PCDHGB3: variants seen among roughly 807,000 people sequenced by gnomAD.
PCDHGB3 encodes the protein protocadherin gamma-B3.
PCDHGB3 carries 40 observed loss-of-function variants against 59.2 expected under a neutral mutation model. The observed-to-expected ratio is 0.68, with a 90% CI of 0.52 to 0.88. The LOEUF is 0.88. PCDHGB3 is among the 40% of genes least tolerant of loss of function. The probability of loss-of-function intolerance (pLI) is 0.00; values close to 1 mark genes in which losing one functional copy is unlikely to be tolerated. For missense variants in PCDHGB3, 1,309 were observed against 1,187.9 expected, an observed-to-expected ratio of 1.10 and a Z score of -1.50; for synonymous variants, 581 against 503.6, an observed-to-expected ratio of 1.15 and a Z score of -2.06.
intron 1 of PCDHGB3, among the ~76,000 whole-genome samples, chr5:141,373,236 T>A (rs1331345461): frequency 2.6e-5 from 4 of 152,248 alleles, no homozygotes; most frequent in African/African-American, 9.6e-5. Context: ...ATAATATTTT[T>A]ACTTCCCTTT....
rs537755017 is a variant in PCDHGB3 at position 141,491,797 on chromosome 5, G to A, written c.2416-3010G>A. 16 of 1,506,818 alleles carry A rather than the reference G, an allele frequency of 1.1e-5. No individual in the cohort carries two copies. In the Admixed American group the frequency reaches 2.2e-4, roughly 20 times the overall value. The allele number at this position is 1,506,818 out of a possible 1,614,324, so 93.3% of individuals were successfully genotyped here. A position where few individuals can be genotyped will look rare whatever the true frequency, so the allele number is the denominator to read the frequency against. ...ATTGAACTTGCATCCACTCCTCTCC[G>A]GCCGGCTTGGTCGCTGGCTGCGCTC... On this transcript the variant is annotated intron_variant, in intron 1 of 3. Transcript: ENST00000576222. The surrounding 1 kb of genome is among the most constrained non-coding windows in gnomAD (Gnocchi z 6.9).
chr5:141,401,623 T>A (rs1418194568), intron 1 of PCDHGB3, among the ~76,000 whole-genome samples: 1 of 152,230 alleles, frequency 6.6e-6, no homozygotes, highest in African/African-American at 2.4e-5. Flanking sequence ...GGATTTGTCT[T>A]ATCGTTTGGA....
In PCDHGB3 at chr5:141,413,117, C is replaced by G. The variant is rs902301902; in HGVS notation, c.2415+40308C>G. 1.9e-5 allele frequency: 29 copies of G among 1,509,004 alleles called. No homozygotes were observed. In the African/African-American group the frequency reaches 4.1e-4, roughly 21 times the overall value. The allele number at this position is 1,509,004 out of a possible 1,614,324, so 93.5% of individuals were successfully genotyped here. ...TGAAGCCACAGAAAGACAAAGGAAC[C>G]GGTTGAAACACACAACGTGTCCAGT... On this transcript the variant is annotated intron_variant, in intron 1 of 3. Transcript: ENST00000576222.
At chr5:141,383,933 C>T (rs963043498) in intron 1 of PCDHGB3, 3 of 1,613,844 alleles carry the variant, frequency 1.9e-6, no homozygotes, top group East Asian at 2.2e-5. Context: ...GATAATGCTC[C>T]AGAAGTGACT....
Position 141,490,413 on chromosome 5 carries a change from G to A in PCDHGB3, c.2416-4394G>A, listed in dbSNP as rs2233606. On this transcript the variant is annotated intron_variant, in intron 1 of 3. Transcript: ENST00000576222. The surrounding 1 kb of genome is among the most constrained non-coding windows in gnomAD (Gnocchi z 5.4). ...GTGAAGTGAGCCTTGATATCTCTCC[G>A]GACCTGCCATTTCAGATTAAGCCTT... 2.3e-3 allele frequency: 3,787 copies of A among 1,614,128 alleles called. 38 individuals are homozygous for A. In the African/African-American group the frequency reaches 0.027, roughly 12 times the overall value.
chr5:141,430,309 A>G (rs984998714), intron 1 of PCDHGB3, among the ~76,000 whole-genome samples: 2 of 152,116 alleles, frequency 1.3e-5, no homozygotes, highest in Non-Finnish European at 2.9e-5. Context: ...CACTAACATT[A>G]TAAGATTAAA....
rs1407016089 is a variant in PCDHGB3 at position 141,489,914 on chromosome 5, C to T, written c.2416-4893C>T. On this transcript the variant is annotated intron_variant, in intron 1 of 3. Coordinates refer to ENST00000576222, the MANE Select transcript of PCDHGB3 (RefSeq NM_018924.5). The surrounding 1 kb of genome is among the most constrained non-coding windows in gnomAD (Gnocchi z 4.5). Reference sequence around the variant, plus strand: ...GGGGGGACCCCAGCCCGCTCAGGGACCACCCTTATCTCTGTCATCGTGCTG... The same window carrying T: ...GGGGGGACCCCAGCCCGCTCAGGGATCACCCTTATCTCTGTCATCGTGCTG... 3 of 1,614,094 alleles carry T rather than the reference C, an allele frequency of 1.9e-6. No individual in the cohort carries two copies. Among genetic ancestry groups the T allele is most frequent in the African/African-American group, 2.7e-5 (2 of 74,936 alleles).
chr5:141,404,641 G>C, intron 1 of PCDHGB3: 2 of 1,614,178 alleles, frequency 1.2e-6, no homozygotes, highest in Non-Finnish European at 1.7e-6. Context: ...CAGAAATCCT[G>C]TACCCTGCCC....
chr5:141,394,312 C>G (rs903124736), intron 1 of PCDHGB3: 3 of 1,613,908 alleles, frequency 1.9e-6, no homozygotes, highest in African/African-American at 1.3e-5. Context: ...CAGGGGGCGC[C>G]CCTGTCCTCG....
At chr5:141,460,459 T>A (rs2098989808) in intron 1 of PCDHGB3, among the ~76,000 whole-genome samples, 1 of 152,176 alleles carries the variant, frequency 6.6e-6, no homozygotes, top group South Asian at 2.1e-4. Flanking sequence ...ATTCATATTT[T>A]TTTCCAAAGG....
At chr5:141,415,282 G>A in intron 1 of PCDHGB3, 1 of 1,614,224 alleles carries the variant, frequency 6.2e-7, no homozygotes, top group Non-Finnish European at 8.5e-7. Flanking sequence ...AGCGGTGGCC[G>A]CGGTCTCCTG....
chr5:141,420,277 A>C, intron 1 of PCDHGB3: 1 of 1,518,166 alleles, frequency 6.6e-7, no homozygotes, highest in Non-Finnish European at 8.9e-7. Flanking sequence ...TTAAACAGGT[A>C]AGTATTTAAA....
intron 1 of PCDHGB3, chr5:141,383,187 C>T (rs572411306): frequency 6.2e-7 from 1 of 1,614,076 alleles, no homozygotes; most frequent in Non-Finnish European, 8.5e-7. Flanking sequence ...AAGAGATCTG[C>T]GCTCAGAGTG....
At chr5:141,373,938 A>G (rs553053363) in intron 1 of PCDHGB3, 2 of 705,416 alleles carry the variant, frequency 2.8e-6, no homozygotes, top group Admixed American at 3.6e-5. Context: ...AAAGCAGGAA[A>G]GCTGTGCAGA....
At chr5:141,419,667 G>T in intron 1 of PCDHGB3, 1 of 1,612,894 alleles carries the variant, frequency 6.2e-7, no homozygotes, top group South Asian at 1.1e-5. Flanking sequence ...CACAATGCCT[G>T]GCTGTCCTAC....
chr5:141,498,009 C>A (rs1160103624), intron 2 of PCDHGB3, among the ~76,000 whole-genome samples: 1 of 152,146 alleles, frequency 6.6e-6, no homozygotes, highest in Non-Finnish European at 1.5e-5. Context: ...TTACAGTGCA[C>A]TGAAGGAGAC....
chr5:141,506,666 C>A (rs894880559), intron 3 of PCDHGB3, among the ~76,000 whole-genome samples: 2 of 152,120 alleles, frequency 1.3e-5, no homozygotes, highest in South Asian at 4.1e-4. Context: ...AGAGTAAGGG[C>A]ACAATATATT....
intron 1 of PCDHGB3, chr5:141,413,935 A>T: frequency 6.2e-7 from 1 of 1,613,372 alleles, no homozygotes; most frequent in Non-Finnish European, 8.5e-7. Flanking sequence ...ATACCGAGTG[A>T]GTGTTCCTGA....
intron 2 of PCDHGB3, among the ~76,000 whole-genome samples, chr5:141,497,602 C>T (rs948023459): frequency 2.0e-5 from 3 of 148,260 alleles, no homozygotes; most frequent in East Asian, 2.0e-4. Flanking sequence ...TGCAGTGGTG[C>T]GATCTTGGCT....
Sources: gnomAD v4.1 joint callset for allele counts (sites outside exome capture counted in the v4.1 genomes callset) on GRCh38, gnomAD v4.1.1 for gene constraint, Gnocchi (gnomAD v3.1) non-coding constraint, MANE v1.5 for transcripts, NCBI Gene and HGNC (gene_info 2026-07-23, HGNC 2026-07-21) for gene names.